STARD9: variants seen among roughly 807,000 people sequenced by gnomAD.
STARD9 encodes the protein StAR related lipid transfer domain containing 9.
A neutral mutation model predicts 399.8 loss-of-function variants in STARD9; 346 were observed. The observed-to-expected ratio is 0.87, with a 90% CI of 0.79 to 0.95. The LOEUF (loss-of-function observed/expected upper bound fraction) is 0.95. STARD9 is among the 40% of genes least tolerant of loss of function. STARD9 has a pLI of 0.00. For synonymous variants in STARD9, 2,203 were observed against 2,143.5 expected, an observed-to-expected ratio of 1.03 and a Z score of -0.77; for missense variants, 5,832 against 5,667.5, an observed-to-expected ratio of 1.03 and a Z score of -0.93.
rs1300059755 is a variant in STARD9 at position 42,687,555 on chromosome 15, G to A, written c.5977G>A (p.Glu1993Lys). 3 of 1,536,934 alleles carry A rather than the reference G, an allele frequency of 2.0e-6. No homozygotes were observed. The highest frequency in any genetic ancestry group is 2.7e-5 in the African/African-American group (2 of 73,032). The change falls in exon 23 of 33, where the codon GAG (glutamate) becomes AAG (lysine). Residue 1993 changes from glutamate to lysine, a missense_variant. Glu to Lys is a moderately conservative substitution (Grantham distance 56). This residue lies in a region of STARD9 where 5,828 missense variants were observed against 5,651.1 expected (regional missense o/e 1.03). Coordinates refer to ENST00000290607, the MANE Select transcript of STARD9 (RefSeq NM_020759.3). ...TCTTCGTCCCAAAGATAGCTCAGAA[G>A]AGTTTAAGCTTCCAGGTACAAAGCC... ...KGLRPKDSSEEFKLPGTKPAY... is the reference protein window; with the variant it reads ...KGLRPKDSSEKFKLPGTKPAY...
At chr15:42,597,998 A>G (rs866052052) in intron 3 of STARD9, among the ~76,000 whole-genome samples, 1,434 of 112,774 alleles carry the variant, frequency 0.013, 27 homozygotes, top group East Asian at 0.083. Flanking sequence ...TTGTATATAT[A>G]TATGTGTGTG....
rs774669644 is a variant in STARD9, at chr15:42,682,516, G to A, written c.2478G>A (p.Thr826=). Reference sequence around the variant, plus strand: ...GGCCTCCATGTAGAAGCAAATTGACGAGTTGCAGTTCTTTGAGCCCCCAAA... The same window carrying A: ...GGCCTCCATGTAGAAGCAAATTGACAAGTTGCAGTTCTTTGAGCCCCCAAA... ...VPRPPCRSKL[T]SCSSLSPQRL... is the part of the protein sequence containing the mutation. Residue 826 remains threonine (T), a synonymous_variant, in exon 22 of 33, where the codon ACG becomes ACA. Coordinates refer to ENST00000290607, the MANE Select transcript of STARD9 (RefSeq NM_020759.3). 6.5e-6 allele frequency: 10 copies of A among 1,537,146 alleles called. No homozygotes were observed. Among genetic ancestry groups the A allele is most frequent in the African/African-American group, 5.5e-5 (4 of 73,126 alleles).
At chr15:42,712,088 T>TATATATATATATATATA (rs2061241298) in intron 26 of STARD9, among the ~76,000 whole-genome samples, 2 of 1,090 alleles carry the variant, frequency 1.8e-3, no homozygotes, top group African/African-American at 3.8e-3. Context: ...ATATTATATA[T>TATATATATATATATATA]ATATATATAA....
At chr15:42,676,049 G>A in intron 20 of STARD9, 74 bp downstream of exon 20, 1 of 970,454 alleles carries the variant, frequency 1.0e-6, no homozygotes, top group Non-Finnish European at 1.5e-6. Flanking sequence ...ATGGATCAGG[G>A]TGGGGGTGGG....
At chr15:42,675,835 T>C (rs1319437156) in intron 19 of STARD9, 37 bp from the exon 20 acceptor site, 2 of 1,535,090 alleles carry the variant, frequency 1.3e-6, no homozygotes, top group Non-Finnish European at 1.7e-6. Context: ...GTGGAGGCGA[T>C]GACAGCAGCC....
intron 3 of STARD9, among the ~76,000 whole-genome samples, chr15:42,588,208 A>ATGTGTG (rs71947615): frequency 6.7e-6 from 1 of 150,266 alleles, no homozygotes; most frequent in Non-Finnish European, 1.5e-5. Flanking sequence ...TTAAAATTTT[A>ATGTGTG]TGTGTGTGTG....
In STARD9 at chr15:42,695,140, G is replaced by C; in HGVS notation, c.12963G>C (p.Arg4321Ser). ...QLRKDVVETT[R>S]SPESVSRSAH... ...CTTTCCACCCCGTGATCTTCCTCAGGAGCCCAGAGTCAGTGTCAAGGTCAG... is the reference window on the plus strand; with the variant it reads ...CTTTCCACCCCGTGATCTTCCTCAGCAGCCCAGAGTCAGTGTCAAGGTCAG... The change falls in exon 25 of 33, where the codon AGG becomes AGC. Residue 4321 changes from arginine (R) to serine (S), a missense_variant and splice_region_variant. Physicochemically the swap from Arg to Ser is moderately radical, Grantham distance 110. Coordinates refer to ENST00000290607, the MANE Select transcript of STARD9 (RefSeq NM_020759.3). 1 of 1,525,200 alleles carries C rather than the reference G, an allele frequency of 6.6e-7. No individual in the cohort carries two copies. Among genetic ancestry groups the C allele is most frequent in the South Asian group, 1.2e-5 (1 of 83,182 alleles). 94.5% of individuals were successfully genotyped at this position (1,525,200 alleles called of 1,614,324 possible).
At chr15:42,712,743 G>GCTCGTCTCAAACTCCTGGC (rs1430625418) in intron 26 of STARD9, among the ~76,000 whole-genome samples, 5 of 152,030 alleles carry the variant, frequency 3.3e-5, no homozygotes, top group South Asian at 2.1e-4. Flanking sequence ...TCTTGCCTGG[G>GCTCGTCTCAAACTCCTGGC]CTCGTCTCAA....
chr15:42,608,051 TTGGTAAGTTGC>T (rs2058773166), intron 3 of STARD9, among the ~76,000 whole-genome samples: 1 of 152,118 alleles, frequency 6.6e-6, no homozygotes, highest in South Asian at 2.1e-4. Flanking sequence ...TGCATACACT[TTGGTAAGTTGC>T]TGAGACAACC....
Position 42,690,865 on chromosome 15 carries a change from C to T in STARD9, c.9287C>T (p.Thr3096Ile), listed in dbSNP as rs1334197797. ...EKKVAEKQAS[T>I]ELEAASFPAG... is the part of the protein sequence containing the mutation. ...AAGGTTGCTGAGAAGCAAGCAAGCA[C>T]AGAACTTGAGGCTGCCTCTTTCCCT... The change falls in exon 23 of 33, where the codon ACA (threonine) becomes ATA (isoleucine). Residue 3096 changes from threonine (T) to isoleucine (I), a missense_variant. Around this residue, in one of 2 missense-constraint regions of STARD9, gnomAD observed 5,828 missense variants for 5,651.1 expected, o/e 1.03. Coordinates refer to ENST00000290607, the MANE Select transcript of STARD9 (RefSeq NM_020759.3). 5 of 1,537,120 alleles carry T rather than the reference C, an allele frequency of 3.3e-6. No individual in the cohort carries two copies. Among genetic ancestry groups the T allele is most frequent in the Admixed American group, 2.0e-5 (1 of 50,984 alleles).
intron 2 of STARD9, 70 bp from the exon 3 acceptor site, chr15:42,585,451 T>A: frequency 1.0e-6 from 1 of 959,304 alleles, no homozygotes; most frequent in Non-Finnish European, 1.6e-6. Context: ...TGGTAGAGGG[T>A]GATCAAGTGC....
rs1429759026 is a variant in STARD9, at chr15:42,693,875, C to T, written c.12297C>T (p.Leu4099=). 1 of 1,534,754 alleles carries T rather than the reference C, an allele frequency of 6.5e-7. No individual in the cohort carries two copies. The highest frequency in any genetic ancestry group is 8.7e-7 in the Non-Finnish European group (1 of 1,145,246). The part of the protein sequence containing the change: ...PVSELTDTAG[L]RGSALGLPQA... ...CTGAGTTGACTGATACTGCAGGGCT[C>T]CGAGGTTCTGCCTTGGGCCTCCCTC... The change falls in exon 23 of 33, where the codon CTC becomes CTT. Residue 4099 remains leucine, a synonymous_variant. Coordinates refer to ENST00000290607, the MANE Select transcript of STARD9 (RefSeq NM_020759.3).
chr15:42,590,492 T>G (rs2141694006), intron 3 of STARD9, among the ~76,000 whole-genome samples: 1 of 152,208 alleles, frequency 6.6e-6, no homozygotes, highest in Middle Eastern at 3.4e-3. Context: ...ATATCTGACT[T>G]TAGGGGGATT....
intron 3 of STARD9, among the ~76,000 whole-genome samples, chr15:42,632,715 G>A (rs1324045505): frequency 2.0e-5 from 3 of 152,170 alleles, no homozygotes; most frequent in South Asian, 2.1e-4. Context: ...TAATAAAAAT[G>A]TCTGTAATCC....
intron 3 of STARD9, among the ~76,000 whole-genome samples, chr15:42,606,435 A>C (rs2058724079): frequency 6.6e-6 from 1 of 152,146 alleles, no homozygotes; most frequent in African/African-American, 2.4e-5. Flanking sequence ...CCTCTCTCTG[A>C]GATGTGCAGA....
chr15:42,718,963 G>T (rs2061401761), intron 32 of STARD9, 53 bp downstream of exon 32: 1 of 1,496,792 alleles, frequency 6.7e-7, no homozygotes, highest in Non-Finnish European at 9.0e-7. Context: ...TGGTCCCACA[G>T]CCCCCTGGGA....
At chr15:42,695,416 C>T (rs141770336) in intron 25 of STARD9, 93 bp downstream of exon 25, 21 of 1,233,400 alleles carry the variant, frequency 1.7e-5, no homozygotes, top group South Asian at 4.8e-5. Context: ...TTGGGACATA[C>T]GTAACATTTG....
At chr15:42,579,219 A>G (rs1359702781) in intron 1 of STARD9, among the ~76,000 whole-genome samples, 2 of 152,176 alleles carry the variant, frequency 1.3e-5, no homozygotes, top group Non-Finnish European at 1.5e-5. Flanking sequence ...AACCCATAAC[A>G]AGGCAGAATG....
rs775364637 is a variant in STARD9 at position 42,718,096 on chromosome 15, G to T, written c.13679G>T (p.Ser4560Ile). Reference protein sequence around the residue: ...QPLSRVWAAVSDPTVWPLYYK... With the variant: ...QPLSRVWAAVIDPTVWPLYYK... ...CTGTCTCGTGTGTGGGCGGCTGTCA[G>T]TGACCCCACTGTGTGGCCCCTGTAT... The change falls in exon 30 of 33, where the codon AGT becomes ATT. Residue 4560 changes from serine (S) to isoleucine (I), a missense_variant. By Grantham distance (142) the Ser-to-Ile change is moderately radical. Transcript: ENST00000290607. 3.3e-6 allele frequency: 5 copies of T among 1,537,152 alleles called. No individual in the cohort carries two copies. The highest frequency in any genetic ancestry group is 4.4e-6 in the Non-Finnish European group (5 of 1,146,922).
Sources: allele counts gnomAD v4.1 joint callset (sites outside exome capture counted in the v4.1 genomes callset), GRCh38; gene constraint gnomAD v4.1.1; regional missense constraint gnomAD v4.1.1; transcripts MANE v1.5; gene names NCBI Gene and HGNC (gene_info 2026-07-23, HGNC 2026-07-21).